RBMS3: variants seen among roughly 807,000 people sequenced by gnomAD.
The protein encoded by RBMS3 is RNA binding motif single stranded interacting protein 3.
RBMS3 carries 27 observed loss-of-function variants against 66.8 expected under a neutral mutation model. The ratio of observed to expected loss-of-function variants is 0.40; its 90% CI spans 0.30 to 0.56. RBMS3 has a LOEUF of 0.56. Among genes scored for constraint, RBMS3 ranks in the 20% least tolerant of loss-of-function variants. RBMS3 has a pLI of 0.40. For synonymous variants in RBMS3, 188 were observed against 183.0 expected (o/e 1.03, Z -0.22); for missense variants, 513 against 549.5 (o/e 0.93, Z 0.66).
rs562465870 is a variant in RBMS3, at chr3:29,935,426, A to G, written c.940-660A>G. 1.2e-3 allele frequency among the ~76,000 whole-genome samples: 177 copies of G among 152,292 alleles called. 1 individual carries two copies. The highest frequency in any genetic ancestry group is 3.4e-3 in the Middle Eastern group (1 of 294). On this transcript the variant is annotated intron_variant, in intron 10 of 14. Transcript: ENST00000383767. Reference sequence around the variant, plus strand: ...TTTTAAAAAAAAATTGTGGATGGACATAAAAATTTGACCAGCTCTAACAGA... The same window carrying G: ...TTTTAAAAAAAAATTGTGGATGGACGTAAAAATTTGACCAGCTCTAACAGA...
chr3:29,540,281 TC>T (rs941263307), intron 3 of RBMS3, among the ~76,000 whole-genome samples: 1 of 152,214 alleles, frequency 6.6e-6, no homozygotes, highest in Admixed American at 6.5e-5. Context: ...ACTGTATACT[TC>T]CCTGATATAT....
At chr3:29,694,962 C>T (rs1181331755) in intron 4 of RBMS3, among the ~76,000 whole-genome samples, 1 of 152,110 alleles carries the variant, frequency 6.6e-6, no homozygotes, top group African/African-American at 2.4e-5. Context: ...CATAACTTAG[C>T]TAAGCAATGT....
intron 6 of RBMS3, among the ~76,000 whole-genome samples, chr3:29,832,216 T>C (rs767563459): frequency 3.3e-5 from 5 of 152,184 alleles, no homozygotes; most frequent in South Asian, 2.1e-4. Context: ...GAAAGACACA[T>C]ACAAAGAGAG....
At chr3:29,871,230 A>C (rs2149554483) in intron 7 of RBMS3, among the ~76,000 whole-genome samples, 1 of 152,236 alleles carries the variant, frequency 6.6e-6, no homozygotes, top group South Asian at 2.1e-4. Context: ...TCTTAGACTA[A>C]GTGGTATTTT....
chr3:29,506,061 C>T (rs994539791), intron 3 of RBMS3, among the ~76,000 whole-genome samples: 8 of 151,640 alleles, frequency 5.3e-5, no homozygotes, highest in African/African-American at 1.9e-4. Context: ...TTTGAATGCC[C>T]TTTATTTCTT....
intron 1 of RBMS3, among the ~76,000 whole-genome samples, chr3:29,388,763 A>C (rs376253838): frequency 2.6e-5 from 4 of 152,164 alleles, no homozygotes; most frequent in South Asian, 2.1e-4. Context: ...ACAGGGTTTC[A>C]CCATGTTAGC....
At chr3:29,840,249 A>G (rs968974094) in intron 6 of RBMS3, among the ~76,000 whole-genome samples, 4 of 152,054 alleles carry the variant, frequency 2.6e-5, no homozygotes, top group African/African-American at 9.7e-5. Context: ...GGTTATACAC[A>G]TCAACATTTG....
intron 4 of RBMS3, among the ~76,000 whole-genome samples, chr3:29,718,601 G>A (rs1185633906): frequency 2.0e-5 from 3 of 152,040 alleles, no homozygotes; most frequent in African/African-American, 7.2e-5. Flanking sequence ...GTTGGAGGTT[G>A]CCCCAGAGTG....
chr3:29,463,323 G>T (rs2042430411), intron 2 of RBMS3, among the ~76,000 whole-genome samples: 1 of 152,134 alleles, frequency 6.6e-6, no homozygotes, highest in Admixed American at 6.6e-5. Context: ...GCATTTCACA[G>T]CCCTACCCTA....
intron 1 of RBMS3, among the ~76,000 whole-genome samples, chr3:29,389,013 T>A (rs551431699): frequency 6.6e-6 from 1 of 152,350 alleles, no homozygotes; most frequent in Non-Finnish European, 1.5e-5. Context: ...CTCTTGATTT[T>A]TTAAAATTTA....
intron 4 of RBMS3, among the ~76,000 whole-genome samples, chr3:29,731,759 A>G (rs1439435971): frequency 3.3e-5 from 5 of 152,032 alleles, no homozygotes; most frequent in Admixed American, 2.6e-4. Flanking sequence ...AAACTAACAC[A>G]TTGTATTAGT....
chr3:29,343,838 G>T (rs886750374), intron 1 of RBMS3, among the ~76,000 whole-genome samples: 1 of 152,214 alleles, frequency 6.6e-6, no homozygotes, highest in African/African-American at 2.4e-5. Flanking sequence ...ACCGTTCTCT[G>T]CATTCCCTAT....
intron 3 of RBMS3, among the ~76,000 whole-genome samples, chr3:29,501,919 C>T (rs2053285): frequency 0.018 from 2,726 of 151,920 alleles, 33 homozygotes; most frequent in Middle Eastern, 0.024. Context: ...AAAAATGGTT[C>T]GCGGTAGTTA....
intron 14 of RBMS3, among the ~76,000 whole-genome samples, chr3:30,001,793 ATTATTTATTTTAT>A (rs1052331101): frequency 3.3e-5 from 5 of 150,748 alleles, no homozygotes; most frequent in South Asian, 2.1e-4. Context: ...TTCTTATTTT[ATTATTTATTTTAT>A]TTATTTATTT....
chr3:29,425,201 AC>A (rs775593798), intron 1 of RBMS3, among the ~76,000 whole-genome samples: 14,737 of 102,218 alleles, frequency 0.14, 787 homozygotes, highest in Admixed American at 0.29. Flanking sequence ...AAAAAAAAAA[AC>A]CCCCCAAAAA....
At chr3:29,714,082 C>G (rs1015422338) in intron 4 of RBMS3, among the ~76,000 whole-genome samples, 1 of 145,918 alleles carries the variant, frequency 6.9e-6, no homozygotes, top group East Asian at 2.0e-4. Context: ...GAAAAGAAAA[C>G]AAAAAACTAT....
chr3:29,822,788 A>C (rs909757865), intron 6 of RBMS3, among the ~76,000 whole-genome samples: 9 of 152,144 alleles, frequency 5.9e-5, no homozygotes, highest in Non-Finnish European at 1.2e-4. Context: ...ATCGCTGTTC[A>C]TGTCTACCTA....
At chr3:29,587,335 T>A in intron 4 of RBMS3, 130 bp downstream of exon 4, 1 of 570,976 alleles carries the variant, frequency 1.8e-6, no homozygotes, top group Non-Finnish European at 2.8e-6. Flanking sequence ...TATTTCTCCT[T>A]TGCTCTGAGC....
chr3:29,864,954 A>T (rs1468611085), intron 6 of RBMS3, among the ~76,000 whole-genome samples: 1 of 106,324 alleles, frequency 9.4e-6, no homozygotes, highest in African/African-American at 3.8e-5. Context: ...GGAGGGAAGG[A>T]AGGAAGAAAG....
Sources: gnomAD v4.1 joint callset for allele counts (sites outside exome capture counted in the v4.1 genomes callset) on GRCh38, gnomAD v4.1.1 for gene constraint, MANE v1.5 for transcripts, NCBI Gene and HGNC (gene_info 2026-07-23, HGNC 2026-07-21) for gene names.